Variants in EPB41L3 observed in about 807,000 individuals in gnomAD.
EPB41L3 encodes band 4.1-like protein 3.
In EPB41L3, 57 loss-of-function variants were observed where a neutral mutation model predicts 127.1. The observed-to-expected ratio is 0.45, with a 90% CI of 0.36 to 0.56. The LOEUF is 0.56. Among genes scored for constraint, EPB41L3 ranks in the 20% least tolerant of loss-of-function variants. The pLI is 0.00. For synonymous variants in EPB41L3, 572 were observed against 549.5 expected (o/e 1.04, Z -0.57); for missense variants, 1,273 against 1,372.2 (o/e 0.93, Z 1.14).
intron 3 of EPB41L3, among the ~76,000 whole-genome samples, chr18:5,561,588 T>C (rs1394940147): frequency 1.3e-5 from 2 of 152,174 alleles, no homozygotes; most frequent in Non-Finnish European, 2.9e-5. Flanking sequence ...ATAGTTGTAG[T>C]ATGAATGAAG....
intron 1 of EPB41L3, among the ~76,000 whole-genome samples, chr18:5,535,206 A>C (rs2093535177): frequency 6.6e-6 from 1 of 152,038 alleles, no homozygotes; most frequent in Non-Finnish European, 1.5e-5. Context: ...CGTCCATGGA[A>C]AAACTGTCTT....
intron 3 of EPB41L3, among the ~76,000 whole-genome samples, chr18:5,603,311 G>A (rs1719980): frequency 0.35 from 53,024 of 151,920 alleles, 9,980 homozygotes; most frequent in Non-Finnish European, 0.43. Context: ...GCTAAGGCCC[G>A]CCTCCAACCC....
At chr18:5,567,400 T>C (rs1247848329) in intron 3 of EPB41L3, 1 of 152,216 alleles carries the variant, frequency 6.6e-6, no homozygotes, top group African/African-American at 2.4e-5. Context: ...CTGAGGTAGA[T>C]ACATTTTAAG....
intron 1 of EPB41L3, among the ~76,000 whole-genome samples, chr18:5,491,577 A>T (rs1367367141): frequency 6.6e-6 from 1 of 152,162 alleles, no homozygotes; most frequent in Non-Finnish European, 1.5e-5. Flanking sequence ...ATAATGTACC[A>T]TTACCATCTA....
In EPB41L3 at chr18:5,392,500, A is replaced by G. The variant is rs1335305525; in HGVS notation, c.*985T>C. ...CTCTTTTTGAAGGCTATTTATAACT[A>G]ACACTAAATAGTTTTAATTACAGTG... On this transcript the variant is annotated 3_prime_UTR_variant, in exon 23 of 23. Transcript: ENST00000341928. 1 of 152,636 alleles carries G rather than the reference A, an allele frequency of 6.6e-6. No homozygotes were observed. The highest frequency in any genetic ancestry group is 1.5e-5 in the Non-Finnish European group (1 of 68,046). The allele number at this position is 152,636 out of a possible 1,614,324, so 9.5% of individuals were successfully genotyped here. A position where few individuals can be genotyped will look rare whatever the true frequency, so the allele number is the denominator to read the frequency against.
intron 9 of EPB41L3, among the ~76,000 whole-genome samples, chr18:5,425,778 A>G: frequency 6.6e-6 from 1 of 152,182 alleles, no homozygotes; most frequent in African/African-American, 2.4e-5. Context: ...TGCTTATGCC[A>G]GCACCACAAC....
chr18:5,493,283 G>A (rs1158328261), intron 1 of EPB41L3, among the ~76,000 whole-genome samples: 1 of 152,160 alleles, frequency 6.6e-6, no homozygotes, highest in Non-Finnish European at 1.5e-5. Context: ...TGTCATTTAT[G>A]TGTAAGACAG....
intron 3 of EPB41L3, among the ~76,000 whole-genome samples, chr18:5,589,701 A>G (rs770687195): frequency 8.5e-5 from 13 of 152,236 alleles, no homozygotes; most frequent in Non-Finnish European, 1.9e-4. Context: ...TTATTCCAAT[A>G]TTTTGAAAAA....
chr18:5,494,958 C>T (rs1448863897), intron 1 of EPB41L3, among the ~76,000 whole-genome samples: 1 of 152,172 alleles, frequency 6.6e-6, no homozygotes, highest in African/African-American at 2.4e-5. Flanking sequence ...CCTCAGAAAG[C>T]ATTAACTGGG....
At chr18:5,572,432 C>T (rs1337414012) in intron 3 of EPB41L3, among the ~76,000 whole-genome samples, 2 of 152,128 alleles carry the variant, frequency 1.3e-5, no homozygotes, top group East Asian at 1.9e-4. Flanking sequence ...AATTGGGATG[C>T]CTACCTAGAG....
intron 16 of EPB41L3, among the ~76,000 whole-genome samples, chr18:5,404,323 C>T (rs375416394): frequency 1.3e-5 from 2 of 152,156 alleles, no homozygotes; most frequent in Admixed American, 6.6e-5. Context: ...CACAGTGTGA[C>T]GGAGCACTGA....
At chr18:5,606,644 C>A (rs963598002) in intron 3 of EPB41L3, among the ~76,000 whole-genome samples, 2 of 152,144 alleles carry the variant, frequency 1.3e-5, no homozygotes, top group African/African-American at 4.8e-5. Context: ...ATCATTAATA[C>A]AATATAAATA....
intron 1 of EPB41L3, among the ~76,000 whole-genome samples, chr18:5,534,640 C>A (rs2093514826): frequency 6.6e-6 from 1 of 152,122 alleles, no homozygotes; most frequent in Admixed American, 6.5e-5. Flanking sequence ...TGGAATGTCA[C>A]AAAATTCTAC....
intron 20 of EPB41L3, 50 bp from the exon 21 acceptor site, chr18:5,395,197 A>G: frequency 2.0e-6 from 3 of 1,517,226 alleles, no homozygotes; most frequent in East Asian, 2.3e-5. Flanking sequence ...GGGAGAAACC[A>G]TCATGGTTCA....
At chr18:5,621,018 C>G (rs721565) in intron 1 of EPB41L3, among the ~76,000 whole-genome samples, 83,671 of 151,954 alleles carry the variant, frequency 0.55, 23,736 homozygotes, top group African/African-American at 0.65. Flanking sequence ...CATATGCCAG[C>G]TGGACCTCAT....
chr18:5,617,918 C>G (rs1382547697), intron 1 of EPB41L3, among the ~76,000 whole-genome samples: 1 of 152,116 alleles, frequency 6.6e-6, no homozygotes, highest in Non-Finnish European at 1.5e-5. Context: ...GCACTATATA[C>G]TCATCCAAAA....
chr18:5,404,462 A>G (rs1057321528), intron 16 of EPB41L3, among the ~76,000 whole-genome samples: 4 of 152,212 alleles, frequency 2.6e-5, no homozygotes, highest in Non-Finnish European at 4.4e-5. Flanking sequence ...AATTATGCTG[A>G]AAAAATCCTT....
chr18:5,627,964 C>G (rs1379232472), intron 1 of EPB41L3, among the ~76,000 whole-genome samples: 1 of 152,176 alleles, frequency 6.6e-6, no homozygotes, highest in Non-Finnish European at 1.5e-5. Context: ...GTAATTGATC[C>G]AACTGGGAAC....
intron 3 of EPB41L3, among the ~76,000 whole-genome samples, chr18:5,610,488 A>G (rs1370107648): frequency 6.6e-6 from 1 of 152,204 alleles, no homozygotes; most frequent in Non-Finnish European, 1.5e-5. Flanking sequence ...ACATTTGAAT[A>G]TGCAATAGAT....
Sources: allele counts gnomAD v4.1 joint callset (sites outside exome capture counted in the v4.1 genomes callset), GRCh38; gene constraint gnomAD v4.1.1; transcripts MANE v1.5; gene names NCBI Gene and HGNC (gene_info 2026-07-23, HGNC 2026-07-21).